Variants in AZIN2 observed in about 807,000 individuals in gnomAD.
AZIN2 encodes the protein ODC antizyme inhibitor-2.
In AZIN2, 28 loss-of-function variants were observed where a neutral mutation model predicts 47.8. The ratio of observed to expected loss-of-function variants is 0.59; its 90% CI spans 0.43 to 0.80. AZIN2 has a LOEUF of 0.80. AZIN2 is among the 30% of genes least tolerant of loss of function. AZIN2 has a pLI of 0.00. For synonymous variants in AZIN2, 221 were observed against 239.4 expected (o/e 0.92, Z 0.71); for missense variants, 535 against 582.5 (o/e 0.92, Z 0.84).
chr1:33,101,961 G>T (rs1278483885), intron 10 of AZIN2: 2 of 744,672 alleles, frequency 2.7e-6, no homozygotes, highest in East Asian at 2.5e-5. Context: ...ACTGTCTTTG[G>T]GTTTTTGCTA....
At position 33,119,785 on chromosome 1, in the gene AZIN2, T is replaced by C. The variant is rs954467855; in HGVS notation, c.1245-259T>C. The C allele has an allele frequency of 2.0e-5, 11 of 552,624 alleles. No homozygotes were observed. The South Asian group carries it at 2.1e-4, about 11-fold the overall frequency. 34.2% of individuals were successfully genotyped at this position (552,624 alleles called of 1,614,324 possible). A position where few individuals can be genotyped will look rare whatever the true frequency, so the allele number is the denominator to read the frequency against. On this transcript the variant is annotated intron_variant, in intron 11 of 11. Coordinates refer to ENST00000294517, the MANE Select transcript of AZIN2 (RefSeq NM_052998.4). ...CATGGGGTTTTTGGGAAGATACAAA[T>C]AGATAATATAAGTGCCTGGCATGAT...
At chr1:33,100,332 AAAG>A (rs1338117259) in intron 10 of AZIN2, among the ~76,000 whole-genome samples, 41 of 152,036 alleles carry the variant, frequency 2.7e-4, no homozygotes, top group African/African-American at 9.2e-4. Context: ...AAAAAAAAAA[AAAG>A]AAAGAAAAGA....
chr1:33,093,159 G>T, intron 6 of AZIN2, 123 bp from the exon 7 acceptor site: 1 of 1,292,366 alleles, frequency 7.7e-7, no homozygotes, highest in Non-Finnish European at 1.1e-6. Flanking sequence ...GAGAGGGAGG[G>T]GTCAGGGAGC....
At chr1:33,083,829 C>T (rs1641560533) in intron 4 of AZIN2, 125 bp from the exon 5 acceptor site, 9 of 1,202,296 alleles carry the variant, frequency 7.5e-6, no homozygotes, top group Non-Finnish European at 1.1e-5. Flanking sequence ...GCCCAGAAAA[C>T]TTAGCAGCAG....
chr1:33,159,880 C>A, the AZIN2 span: 1 of 1,611,834 alleles, frequency 6.2e-7, no homozygotes, highest in Non-Finnish European at 8.5e-7. The surrounding 1 kb of genome is among the most constrained non-coding windows in gnomAD (Gnocchi z 4.2). Flanking sequence ...CTGGCGTTCA[C>A]GCAGCAGCCG....
chr1:33,103,788 T>C (rs1023261917), intron 10 of AZIN2, among the ~76,000 whole-genome samples: 3 of 152,138 alleles, frequency 2.0e-5, no homozygotes, highest in Non-Finnish European at 4.4e-5. Flanking sequence ...TTCAATAAAC[T>C]GTGAGACCCT....
intron 11 of AZIN2, chr1:33,118,348 T>A: frequency 2.3e-6 from 1 of 437,834 alleles, no homozygotes; most frequent in Non-Finnish European, 4.0e-6. Context: ...CAGGCCCTTG[T>A]GATAATACTG....
intron 8 of AZIN2, among the ~76,000 whole-genome samples, chr1:33,096,113 C>G (rs912661924): frequency 1.3e-5 from 2 of 152,184 alleles, no homozygotes; most frequent in African/African-American, 4.8e-5. Context: ...TCTGGGATTA[C>G]AGGCATGAGC....
chr1:33,155,875 A>G, the AZIN2 span, among the ~76,000 whole-genome samples: 19 of 152,296 alleles, frequency 1.2e-4, no homozygotes, highest in African/African-American at 3.8e-4. Context: ...TGATAAGTCT[A>G]CTAGAAACCT....
At chr1:33,084,956 C>T (rs78031102) in intron 5 of AZIN2, among the ~76,000 whole-genome samples, 4,038 of 152,218 alleles carry the variant, frequency 0.027, 188 homozygotes, top group African/African-American at 0.092. Context: ...ACTCCTACAG[C>T]GTGTAGTCAC....
At chr1:33,160,074 A>G in the AZIN2 span, 4 of 1,179,556 alleles carry the variant, frequency 3.4e-6, no homozygotes, top group Non-Finnish European at 4.7e-6. Context: ...GGTGGGGGAA[A>G]TGTCACATGC....
rs186948097 is a variant in AZIN2, at chr1:33,123,023, T to C, written c.*2841T>C. 3.3e-5 allele frequency among the ~76,000 whole-genome samples: 5 copies of C among 152,298 alleles called. No individual in the cohort carries two copies. In the East Asian group the frequency reaches 7.7e-4, roughly 24 times the overall value. ...ACTCCCACACTTCCCTCTCACGCACTGGGTCCTGGCCACACTGGCCTCCCC... is the reference window on the plus strand; with the variant it reads ...ACTCCCACACTTCCCTCTCACGCACCGGGTCCTGGCCACACTGGCCTCCCC... On this transcript the variant is annotated 3_prime_UTR_variant, in exon 12 of 12. Coordinates refer to ENST00000294517, the MANE Select transcript of AZIN2 (RefSeq NM_052998.4).
intron 5 of AZIN2, among the ~76,000 whole-genome samples, chr1:33,091,247 T>C (rs1353073304): frequency 1.3e-5 from 2 of 152,176 alleles, no homozygotes; most frequent in Non-Finnish European, 2.9e-5. Context: ...TAGTTGGTAG[T>C]TCTATTTTTT....
At chr1:33,155,314 C>T in the AZIN2 span, among the ~76,000 whole-genome samples, 682 of 152,038 alleles carry the variant, frequency 4.5e-3, 6 homozygotes, top group African/African-American at 0.015. Context: ...TCAAGTGATC[C>T]GCCTGCCTTG....
At chr1:33,166,199 G>A in the AZIN2 span, 1 of 152,352 alleles carries the variant, frequency 6.6e-6, no homozygotes, top group Admixed American at 6.5e-5. Context: ...GGAAAAACAA[G>A]CTCAGGGCTC....
At chr1:33,126,092 T>C (rs1316637351), downstream of AZIN2, among the ~76,000 whole-genome samples, 2 of 152,224 alleles carry the variant, frequency 1.3e-5, no homozygotes, top group Admixed American at 6.5e-5. Flanking sequence ...TAGATCACTG[T>C]CTAACATATT....
rs1032123348 is a variant in AZIN2 at position 33,122,958 on chromosome 1, C to T, written c.*2776C>T. ...CGTACCTCCTGGGATTCCGTTTCAC[C>T]AAGAATGAAATTTAAAGTCCTTGGC... On this transcript the variant is annotated 3_prime_UTR_variant, in exon 12 of 12. Coordinates refer to ENST00000294517, the MANE Select transcript of AZIN2 (RefSeq NM_052998.4). Among the ~76,000 whole-genome samples the T allele has an allele frequency of 6.6e-6, 1 of 152,168 alleles. No homozygotes were observed. Among genetic ancestry groups the T allele is most frequent in the African/African-American group, 2.4e-5 (1 of 41,432 alleles).
At position 33,096,694 on chromosome 1, in the gene AZIN2, C is replaced by A. The variant is rs1233065589; in HGVS notation, c.754-13C>A. ...TCAAACACATAATTGTCTCCCCATT[C>A]TCCTCCTACCAGATTGCTTCCGTGA... On this transcript the variant is annotated splice_polypyrimidine_tract_variant and intron_variant, in intron 8 of 11. Transcript: ENST00000294517. 1 of 1,613,816 alleles carries A rather than the reference C, an allele frequency of 6.2e-7. No individual in the cohort carries two copies. Among genetic ancestry groups the A allele is most frequent in the African/African-American group, 1.3e-5 (1 of 74,936 alleles).
downstream of AZIN2, among the ~76,000 whole-genome samples, chr1:33,125,712 T>A (rs951766739): frequency 6.6e-6 from 1 of 152,172 alleles, no homozygotes; most frequent in African/African-American, 2.4e-5. Context: ...GCTATCATAT[T>A]GGAATCTTGT....
Sources: allele counts gnomAD v4.1 joint callset (sites outside exome capture counted in the v4.1 genomes callset), GRCh38; gene constraint gnomAD v4.1.1; non-coding constraint Gnocchi (gnomAD v3.1); transcripts MANE v1.5; gene names NCBI Gene and HGNC (gene_info 2026-07-23, HGNC 2026-07-21).